The following SNX24 variants were observed in gnomAD, a reference collection of about 807,000 sequenced individuals.
SNX24 encodes the protein sorting nexin 24, also known as sorting nexin-24.
A neutral mutation model predicts 28.7 loss-of-function variants in SNX24; 22 were observed. That is an observed-to-expected ratio of 0.77 (90% CI 0.55 to 1.10). The LOEUF is 1.10. SNX24 is among the 50% of genes least tolerant of loss of function. The probability of loss-of-function intolerance (pLI) is 0.00; values close to 1 mark genes in which losing one functional copy is unlikely to be tolerated. For missense variants in SNX24, 221 were observed against 201.1 expected (o/e 1.10, Z -0.60); for synonymous variants, 69 against 71.5 (o/e 0.96, Z 0.18).
intron 3 of SNX24, among the ~76,000 whole-genome samples, chr5:122,957,233 T>C (rs898925832): frequency 6.6e-6 from 1 of 152,226 alleles, no homozygotes; most frequent in Non-Finnish European, 1.5e-5. Context: ...CTTTTGCATG[T>C]GGACATCCAG....
chr5:122,846,268 G>T lies in SNX24; in HGVS notation c.60+575G>T, dbSNP rs1754631068. 1.3e-5 allele frequency among the ~76,000 whole-genome samples: 2 copies of T among 152,154 alleles called. 1 individual carries two copies. Among genetic ancestry groups the T allele is most frequent in the South Asian group, 4.2e-4 (2 of 4,818 alleles). The stretch of plus-strand genomic sequence containing the variant: ...GCACCTGTTTCATACCTAGGACTGT[G>T]GTCACCGAGAAGTGTGAAACAGGAC... On this transcript the variant is annotated intron_variant, in intron 1 of 6. Coordinates refer to ENST00000261369, the MANE Select transcript of SNX24 (RefSeq NM_014035.4).
At chr5:122,856,482 A>T (rs953125405) in intron 1 of SNX24, among the ~76,000 whole-genome samples, 9 of 150,434 alleles carry the variant, frequency 6.0e-5, no homozygotes, top group African/African-American at 2.2e-4. Context: ...CTTAGGGTAT[A>T]TAACCAATAA....
chr5:122,863,417 A>G (rs970807783), intron 1 of SNX24, among the ~76,000 whole-genome samples: 1 of 151,840 alleles, frequency 6.6e-6, no homozygotes, highest in Non-Finnish European at 1.5e-5. Context: ...GTGATAAGAG[A>G]TAAGGTCATA....
chr5:122,877,992 C>G (rs989466959), intron 1 of SNX24, among the ~76,000 whole-genome samples: 5 of 152,098 alleles, frequency 3.3e-5, no homozygotes. Context: ...CTGAATCTGG[C>G]TTTTCCTGGA....
chr5:122,887,696 T>C (rs1198250563), intron 1 of SNX24, among the ~76,000 whole-genome samples: 2 of 152,188 alleles, frequency 1.3e-5, no homozygotes, highest in African/African-American at 4.8e-5. Context: ...GAGTTCTTGA[T>C]TTCAGTCACT....
At chr5:122,918,742 G>A (rs1427107807) in intron 1 of SNX24, among the ~76,000 whole-genome samples, 1 of 152,168 alleles carries the variant, frequency 6.6e-6, no homozygotes, top group Non-Finnish European at 1.5e-5. Context: ...GAGATGCAGA[G>A]AAGTTAGATG....
chr5:122,867,648 T>A (rs1039849730), intron 1 of SNX24, among the ~76,000 whole-genome samples: 4 of 152,192 alleles, frequency 2.6e-5, no homozygotes, highest in African/African-American at 7.2e-5. Context: ...GTGATGACAG[T>A]GGTGACTGGG....
At chr5:122,979,410 A>T (rs1425823312) in intron 3 of SNX24, among the ~76,000 whole-genome samples, 1 of 152,172 alleles carries the variant, frequency 6.6e-6, no homozygotes. Flanking sequence ...CGGCATGCCC[A>T]CTGCATTGTG....
intron 6 of SNX24, among the ~76,000 whole-genome samples, chr5:123,005,965 A>G (rs1206309715): frequency 1.3e-5 from 2 of 152,196 alleles, no homozygotes; most frequent in African/African-American, 4.8e-5. Flanking sequence ...GAGATTTTCT[A>G]AGATATAGTT....
intron 3 of SNX24, among the ~76,000 whole-genome samples, chr5:122,993,947 CT>C (rs1371795400): frequency 1.3e-5 from 2 of 152,154 alleles, no homozygotes; most frequent in Non-Finnish European, 2.9e-5. Flanking sequence ...TTAAAGTGCT[CT>C]TGTAAACCTC....
intron 1 of SNX24, among the ~76,000 whole-genome samples, chr5:122,931,088 A>C (rs776239451): frequency 6.6e-6 from 1 of 152,216 alleles, no homozygotes; most frequent in Non-Finnish European, 1.5e-5. Flanking sequence ...TTGTAGCAGT[A>C]TGTGTTTTTC....
intron 3 of SNX24, among the ~76,000 whole-genome samples, chr5:122,979,644 A>G (rs1761312976): frequency 6.6e-5 from 10 of 152,236 alleles, no homozygotes; most frequent in Admixed American, 6.5e-4. Context: ...GTGAATAACA[A>G]ATACAGTAAT....
chr5:123,004,387 C>T (rs897184093), intron 6 of SNX24, among the ~76,000 whole-genome samples: 3 of 152,168 alleles, frequency 2.0e-5, no homozygotes, highest in Non-Finnish European at 4.4e-5. Context: ...TCTTCCTTGG[C>T]CTCTCATGGA....
intron 1 of SNX24, among the ~76,000 whole-genome samples, chr5:122,890,219 T>A (rs1385293421): frequency 6.6e-6 from 1 of 152,204 alleles, no homozygotes; most frequent in Non-Finnish European, 1.5e-5. Context: ...ATGCTAATTT[T>A]GACCACTGGT....
chr5:122,971,944 C>CCTGGA (rs1435615304), intron 3 of SNX24, among the ~76,000 whole-genome samples: 9 of 152,270 alleles, frequency 5.9e-5, no homozygotes, highest in Non-Finnish European at 1.2e-4. Flanking sequence ...TGTAGTCCTG[C>CCTGGA]CTGGATTGGG....
intron 5 of SNX24, among the ~76,000 whole-genome samples, chr5:123,016,167 C>G (rs562747726): frequency 4.6e-5 from 7 of 152,136 alleles, no homozygotes; most frequent in African/African-American, 1.4e-4. Context: ...AATACTTGAA[C>G]AATTGTAATT....
chr5:122,975,733 T>C (rs1341380844), intron 3 of SNX24, among the ~76,000 whole-genome samples: 1 of 152,152 alleles, frequency 6.6e-6, no homozygotes, highest in African/African-American at 2.4e-5. Flanking sequence ...AAATGATCAG[T>C]AAATGGGAAA....
At chr5:122,855,672 G>A (rs141273699) in intron 1 of SNX24, among the ~76,000 whole-genome samples, 140 of 152,272 alleles carry the variant, frequency 9.2e-4, no homozygotes, top group African/African-American at 3.1e-3. Flanking sequence ...TATCAGCTAA[G>A]TCTGTGTAAT....
intron 1 of SNX24, among the ~76,000 whole-genome samples, chr5:122,867,171 C>A (rs1755757839): frequency 6.6e-6 from 1 of 152,204 alleles, no homozygotes; most frequent in African/African-American, 2.4e-5. Flanking sequence ...AAAGGCCATT[C>A]CATCATTCTA....
Sources: allele counts gnomAD v4.1 joint callset (sites outside exome capture counted in the v4.1 genomes callset), GRCh38; gene constraint gnomAD v4.1.1; transcripts MANE v1.5; gene names NCBI Gene and HGNC (gene_info 2026-07-23, HGNC 2026-07-21).